SLC35F1: variants seen among roughly 807,000 people sequenced by gnomAD.
SLC35F1 encodes chromosome 6 open reading frame 169.
In SLC35F1, 14 loss-of-function variants were observed where a neutral mutation model predicts 48.7. That is an observed-to-expected ratio of 0.29 (90% CI 0.19 to 0.45). The LOEUF is 0.45. Ranked by LOEUF, SLC35F1 falls within the 20% of genes least tolerant of loss-of-function variation. The probability of loss-of-function intolerance (pLI) is 1.00; values close to 1 mark genes in which losing one functional copy is unlikely to be tolerated. For synonymous variants in SLC35F1, 190 were observed against 202.2 expected (o/e 0.94, Z 0.51); for missense variants, 404 against 500.0 (o/e 0.81, Z 1.83).
intron 1 of SLC35F1, among the ~76,000 whole-genome samples, chr6:117,947,665 G>A (rs1283976966): frequency 6.6e-6 from 1 of 152,166 alleles, no homozygotes; most frequent in African/African-American, 2.4e-5. Context: ...TAAAGTATGA[G>A]ACAAGAAGTG....
chr6:117,923,702 T>TATATACATATATGTAC (rs1775957974), intron 1 of SLC35F1, among the ~76,000 whole-genome samples: 5 of 17,470 alleles, frequency 2.9e-4, no homozygotes, highest in Non-Finnish European at 6.6e-4. Flanking sequence ...TACATATACA[T>TATATACATATATGTAC]ATATGTACAT....
intron 6 of SLC35F1, among the ~76,000 whole-genome samples, chr6:118,283,610 T>C (rs1686009168): frequency 1.3e-5 from 2 of 152,224 alleles, no homozygotes; most frequent in Admixed American, 1.3e-4. Context: ...AAGGCTCTGG[T>C]GCCTAGATTG....
chr6:118,027,384 T>C (rs375767339), intron 1 of SLC35F1, among the ~76,000 whole-genome samples: 2 of 152,334 alleles, frequency 1.3e-5, no homozygotes. Flanking sequence ...CCACAGTGGC[T>C]GTACCCTTTT....
At chr6:118,271,161 T>C (rs1375365480) in intron 4 of SLC35F1, among the ~76,000 whole-genome samples, 1 of 152,202 alleles carries the variant, frequency 6.6e-6, no homozygotes, top group Non-Finnish European at 1.5e-5. Context: ...CTTTATTATA[T>C]ATTATTTCAT....
At chr6:118,049,589 A>G (rs1377112863) in intron 1 of SLC35F1, among the ~76,000 whole-genome samples, 1 of 151,494 alleles carries the variant, frequency 6.6e-6, no homozygotes, top group Non-Finnish European at 1.5e-5. Context: ...GAAGACATTT[A>G]TGCAGCCAAA....
intron 1 of SLC35F1, among the ~76,000 whole-genome samples, chr6:117,943,364 T>C (rs762448409): frequency 1.3e-5 from 2 of 152,218 alleles, no homozygotes; most frequent in African/African-American, 2.4e-5. Context: ...GACACAATCA[T>C]CTCCTTTGCA....
intron 1 of SLC35F1, among the ~76,000 whole-genome samples, chr6:118,090,961 A>C (rs374197315): frequency 1.3e-5 from 2 of 152,076 alleles, no homozygotes; most frequent in African/African-American, 4.8e-5. Flanking sequence ...TAGAAGTGGA[A>C]TAGAGTTTGA....
chr6:117,923,710 C>CATATGTACATGTATGT, intron 1 of SLC35F1, among the ~76,000 whole-genome samples: 1 of 22,554 alleles, frequency 4.4e-5, no homozygotes, highest in East Asian at 1.3e-3. Flanking sequence ...CATATATGTA[C>CATATGTACATGTATGT]ATATATACAT....
chr6:118,315,131 T>C lies in SLC35F1; in HGVS notation c.*879T>C, dbSNP rs1168425954. 1 of 152,658 alleles carries C rather than the reference T, an allele frequency of 6.6e-6. No individual in the cohort carries two copies. The highest frequency in any genetic ancestry group is 1.5e-5 in the Non-Finnish European group (1 of 68,046). The allele number at this position is 152,658 out of a possible 1,614,324, so 9.5% of individuals were successfully genotyped here. ...TTCAAAAACTATCTTTTATTTTTTT[T>C]CCAGATTTCCTTAGTGATAATATGG... On this transcript the variant is annotated 3_prime_UTR_variant, in exon 8 of 8. Transcript: ENST00000360388.
In SLC35F1 at chr6:117,998,757, C is replaced by T. The variant is rs942119468; in HGVS notation, c.173+90858C>T. Among the ~76,000 whole-genome samples, 5 of 152,200 alleles carry T rather than the reference C, an allele frequency of 3.3e-5. No homozygotes were observed. In the East Asian group the frequency reaches 9.6e-4, roughly 29 times the overall value. ...ACAAAGACACAACAGACCAGAATCT[C>T]TGGGACACATTCAAAGCAGTGTGTA... On this transcript the variant is annotated intron_variant, in intron 1 of 7. Transcript: ENST00000360388.
rs1475556133 is a variant in SLC35F1, at chr6:118,097,032, G to T, written c.174-57413G>T. On this transcript the variant is annotated intron_variant, in intron 1 of 7. Coordinates refer to ENST00000360388, the MANE Select transcript of SLC35F1 (RefSeq NM_001029858.4). ...GTCTTTCACTCTTGGTTCTTAACTG[G>T]CCTCTCTTCTTCCTCTTTTATTTTC... 2.0e-5 allele frequency among the ~76,000 whole-genome samples: 3 copies of T among 151,918 alleles called. No homozygotes were observed. In the South Asian group the frequency reaches 6.2e-4, roughly 32 times the overall value.
intron 4 of SLC35F1, among the ~76,000 whole-genome samples, chr6:118,269,903 C>T (rs905826950): frequency 5.9e-5 from 9 of 152,124 alleles, no homozygotes; most frequent in African/African-American, 1.9e-4. Context: ...GTGGTGTGCA[C>T]CTATAGTCCT....
chr6:118,010,247 G>A (rs930206408), intron 1 of SLC35F1, among the ~76,000 whole-genome samples: 1 of 152,138 alleles, frequency 6.6e-6, no homozygotes, highest in African/African-American at 2.4e-5. Context: ...GGGATTTACT[G>A]ATGGTTTGAC....
At chr6:117,952,818 C>T (rs1160005762) in intron 1 of SLC35F1, among the ~76,000 whole-genome samples, 2 of 152,144 alleles carry the variant, frequency 1.3e-5, no homozygotes, top group Admixed American at 1.3e-4. Flanking sequence ...TAATTTTTAG[C>T]CTACCAGAAC....
intron 1 of SLC35F1, among the ~76,000 whole-genome samples, chr6:118,154,236 T>G (rs977855189): frequency 3.9e-5 from 6 of 152,200 alleles, no homozygotes; most frequent in African/African-American, 1.4e-4. Context: ...AGCAAACTCC[T>G]TAACCACTCT....
chr6:118,108,644 C>T (rs1254459516), intron 1 of SLC35F1, among the ~76,000 whole-genome samples: 1 of 151,978 alleles, frequency 6.6e-6, no homozygotes, highest in African/African-American at 2.4e-5. Flanking sequence ...CAGTTGTTTC[C>T]CTGAAATACC....
intron 1 of SLC35F1, among the ~76,000 whole-genome samples, chr6:118,112,590 C>T (rs889765893): frequency 2.6e-5 from 4 of 152,134 alleles, no homozygotes; most frequent in Admixed American, 2.6e-4. Context: ...AGGTCTGCAT[C>T]AGGACCCCTC....
chr6:118,275,429 C>G, intron 4 of SLC35F1, 30 bp from the exon 5 acceptor site: 1 of 1,591,610 alleles, frequency 6.3e-7, no homozygotes, highest in Non-Finnish European at 8.6e-7. Context: ...AATGATGCTC[C>G]CTCTGTTTGT....
chr6:118,005,375 A>G (rs1028449744), intron 1 of SLC35F1, among the ~76,000 whole-genome samples: 1 of 152,194 alleles, frequency 6.6e-6, no homozygotes. Context: ...CTGTTCTCCC[A>G]GTCATGTAGA....
Sources: gnomAD v4.1 joint callset for allele counts (sites outside exome capture counted in the v4.1 genomes callset) on GRCh38, gnomAD v4.1.1 for gene constraint, MANE v1.5 for transcripts, NCBI Gene and HGNC (gene_info 2026-07-23, HGNC 2026-07-21) for gene names.